ITGA3: variants seen among roughly 807,000 people sequenced by gnomAD.
ITGA3 encodes the protein integrin subunit alpha 3.
A neutral mutation model predicts 131.1 loss-of-function variants in ITGA3; 70 were observed. The ratio of observed to expected loss-of-function variants is 0.53; its 90% CI spans 0.44 to 0.65. The LOEUF (loss-of-function observed/expected upper bound fraction) is 0.65. Ranked by LOEUF, ITGA3 falls within the 30% of genes least tolerant of loss-of-function variation. ITGA3 has a pLI of 0.00. For missense variants in ITGA3, 1,098 were observed against 1,388.6 expected (o/e 0.79, Z 3.33); for synonymous variants, 537 against 571.6 (o/e 0.94, Z 0.86).
In ITGA3 at chr17:50,080,236, C is replaced by G. The variant is rs146914167; in HGVS notation, c.2707-26C>G. 335 of 1,347,732 alleles carry G rather than the reference C, an allele frequency of 2.5e-4. 4 individuals carry two copies. In the East Asian group the frequency reaches 7.6e-3, roughly 31 times the overall value. The allele number at this position is 1,347,732 out of a possible 1,614,324, so 83.5% of individuals were successfully genotyped here. On this transcript the variant is annotated intron_variant, in intron 21 of 25. Transcript: ENST00000320031. ...GAATCTGGAGACTCAGACTATGTCA[C>G]GTCTTGCGTTCCCTGCCCGCCTCAG...
Position 50,064,145 on chromosome 17 carries a change from A to G in ITGA3, c.275A>G (p.Tyr92Cys), listed in dbSNP as rs1908217650. The change falls in exon 2 of 26, where the codon TAC (tyrosine) becomes TGC (cysteine). Residue 92 changes from tyrosine (Y) to cysteine (C), a missense_variant. Tyr to Cys is a radical substitution (Grantham distance 194). Transcript: ENST00000320031. The surrounding 1 kb of genome is among the most constrained non-coding windows in gnomAD (Gnocchi z 4.4). ...TACACCAACCGGACTGGTGCTGTGT[A>G]CCTGTGCCCACTCACTGCCCACAAG... ...DGYTNRTGAV[Y>C]LCPLTAHKDD... is the part of the protein sequence containing the mutation. The G allele has an allele frequency of 1.9e-6, 3 of 1,611,584 alleles. No homozygotes were observed. The highest frequency in any genetic ancestry group is 2.5e-6 in the Non-Finnish European group (3 of 1,179,274).
At chr17:50,068,333 A>G in intron 4 of ITGA3, 28 bp downstream of exon 4, 1 of 1,608,264 alleles carries the variant, frequency 6.2e-7, no homozygotes, top group Middle Eastern at 1.7e-4. Flanking sequence ...ATGGGGGAAG[A>G]AAGGAAGAGC....
rs996718391 is a variant in ITGA3, at chr17:50,088,373, C to T, written c.*31+7C>T. 5.7e-5 allele frequency: 83 copies of T among 1,467,418 alleles called. No homozygotes were observed. Among genetic ancestry groups the T allele is most frequent in the Admixed American group, 2.2e-4 (11 of 50,842 alleles). The allele number at this position is 1,467,418 out of a possible 1,614,324, so 90.9% of individuals were successfully genotyped here. A position where few individuals can be genotyped will look rare whatever the true frequency, so the allele number is the denominator to read the frequency against. ...CCGCCCCCGGCCCACCTGGGTAACA[C>T]GGCCTCCGGGCCCCCTTCCCCGAGC... On this transcript the variant is annotated splice_region_variant and intron_variant, in intron 25 of 25. Coordinates refer to ENST00000320031, the MANE Select transcript of ITGA3 (RefSeq NM_002204.4).
At position 50,077,083 on chromosome 17, in the gene ITGA3, G is replaced by A; in HGVS notation, c.2032G>A (p.Val678Met). 1 of 1,586,588 alleles carries A rather than the reference G, an allele frequency of 6.3e-7. No individual in the cohort carries two copies. The highest frequency in any genetic ancestry group is 1.1e-5 in the South Asian group (1 of 88,418). ...EDAHEALLTLVVPPALLLSSV... is the reference protein window; with the variant it reads ...EDAHEALLTLMVPPALLLSSV... ...CGCCCACGAGGCGCTGCTCACCCTG[G>A]TGGTGCCTCCCGCCCTGCTGCTGTC... The change falls in exon 15 of 26, where the codon GTG (valine) becomes ATG (methionine). Residue 678 changes from valine to methionine, a missense_variant. Transcript: ENST00000320031.
chr17:50,079,651 G>C, intron 21 of ITGA3, 94 bp downstream of exon 21: 2 of 1,273,114 alleles, frequency 1.6e-6, no homozygotes, highest in African/African-American at 1.5e-5. Context: ...AGACCTCAGT[G>C]TGATGAGGTG....
rs1000060536 is a variant in ITGA3, at chr17:50,056,398, C to T, written c.-42C>T. 3.6e-6 allele frequency: 5 copies of T among 1,388,326 alleles called. No homozygotes were observed. The African/African-American group carries it at 7.7e-5, about 21-fold the overall frequency. 86.0% of individuals were successfully genotyped at this position (1,388,326 alleles called of 1,614,324 possible). Reference sequence around the variant, plus strand: ...ACAGGTCCTCACGCCCAGCTCCGCGCCCTCACGCGCTCTCGCCGGGACCCC... The same window carrying T: ...ACAGGTCCTCACGCCCAGCTCCGCGTCCTCACGCGCTCTCGCCGGGACCCC... On this transcript the variant is annotated 5_prime_UTR_variant, in exon 1 of 26. Transcript: ENST00000320031. The surrounding 1 kb of genome is among the most constrained non-coding windows in gnomAD (Gnocchi z 5.6).
chr17:50,071,079 G>C, intron 5 of ITGA3, 149 bp downstream of exon 5: 1 of 724,326 alleles, frequency 1.4e-6, no homozygotes, highest in South Asian at 1.7e-5. Context: ...GCCAGGCCCT[G>C]TTCCAAGCTC....
At chr17:50,067,241 G>A (rs1908386429) in intron 3 of ITGA3, among the ~76,000 whole-genome samples, 1 of 152,196 alleles carries the variant, frequency 6.6e-6, no homozygotes. Context: ...CAGAAAGCAA[G>A]TAAACAAGAA....
At position 50,070,899 on chromosome 17, in the gene ITGA3, G is replaced by T. The variant is rs1282614352; in HGVS notation, c.720G>T (p.Lys240Asn). ...KEWDLSEYSY[K>N]DPEDQGNLYI... ...GGGACTTATCTGAGTATAGTTACAA[G>T]GACCCAGAGGACCAAGGAAACCTCT... Residue 240 changes from lysine (K) to asparagine (N), a missense_variant, in exon 5 of 26, where the codon AAG becomes AAT. Physicochemically the swap from Lys to Asn is moderately conservative, Grantham distance 94. This residue lies in a region of ITGA3 where 356 missense variants were observed against 529.2 expected (regional missense o/e 0.67). Transcript: ENST00000320031. 3.1e-6 allele frequency: 5 copies of T among 1,611,020 alleles called. No homozygotes were observed. The South Asian group carries it at 5.5e-5, about 18-fold the overall frequency.
chr17:50,084,883 C>G (rs1471651120), intron 23 of ITGA3, among the ~76,000 whole-genome samples: 1 of 152,044 alleles, frequency 6.6e-6, no homozygotes, highest in Non-Finnish European at 1.5e-5. Context: ...TTATTGCACT[C>G]CAGCCTGAGC....
chr17:50,077,298 G>A, intron 15 of ITGA3, 81 bp from the exon 16 acceptor site: 1 of 1,390,636 alleles, frequency 7.2e-7, no homozygotes, highest in Non-Finnish European at 1.0e-6. Flanking sequence ...AAGCTCTAGG[G>A]CTTCTGACCT....
intron 24 of ITGA3, 112 bp from the exon 25 acceptor site, chr17:50,088,113 T>TGA: frequency 7.1e-7 from 1 of 1,400,942 alleles, no homozygotes; most frequent in Non-Finnish European, 9.5e-7. Context: ...AAGCTGGGAC[T>TGA]GAGCCCCAGC....
chr17:50,069,437 G>A (rs1908514999), intron 4 of ITGA3, among the ~76,000 whole-genome samples: 2 of 152,150 alleles, frequency 1.3e-5, no homozygotes, highest in African/African-American at 4.8e-5. Context: ...AAACTGAGGT[G>A]GGAGGATCAC....
At chr17:50,060,965 AC>A (rs761466813) in intron 1 of ITGA3, among the ~76,000 whole-genome samples, 2 of 152,022 alleles carry the variant, frequency 1.3e-5, no homozygotes, top group East Asian at 1.9e-4. Flanking sequence ...CTCCGCACAC[AC>A]CTGGGTGTGT....
At position 50,067,730 on chromosome 17, in the gene ITGA3, C is replaced by T. The variant is rs880043; in HGVS notation, c.415-326C>T. Among the ~76,000 whole-genome samples the T allele has an allele frequency of 0.23, 35,056 of 152,026 alleles. 5,187 individuals carry two copies. Among genetic ancestry groups the T allele is most frequent in the African/African-American group, 0.38 (15,914 of 41,426 alleles). ...ATCTGGAGATGGCAGAGCAGCAAGT[C>T]CCTTAATCTCTCTGTTACTAACCCC... On this transcript the variant is annotated intron_variant, in intron 3 of 25. Coordinates refer to ENST00000320031, the MANE Select transcript of ITGA3 (RefSeq NM_002204.4).
intron 1 of ITGA3, among the ~76,000 whole-genome samples, chr17:50,061,259 AG>A (rs1219863368): frequency 1.3e-5 from 2 of 152,168 alleles, no homozygotes; most frequent in Non-Finnish European, 2.9e-5. Flanking sequence ...GGCAACAGGC[AG>A]GAGGGTATTG....
At position 50,088,246 on chromosome 17, in the gene ITGA3, C is replaced by T. The variant is rs1261641244; in HGVS notation, c.3067C>T (p.Arg1023Cys). 7.6e-6 allele frequency: 12 copies of T among 1,572,578 alleles called. No individual in the cohort carries two copies. Among genetic ancestry groups the T allele is most frequent in the African/African-American group, 2.7e-5 (2 of 74,142 alleles). Residue 1023 changes from arginine (R) to cysteine (C), a missense_variant, in exon 25 of 26, where the codon CGC (arginine) becomes TGC (cysteine). Arg to Cys is a radical substitution (Grantham distance 180). This residue lies in a region of ITGA3 where 699 missense variants were observed against 829.2 expected (regional missense o/e 0.84). Transcript: ENST00000320031. ...GCAGTGCGGCTTCTTCAAGCGAGCCCGCACTCGCGCCCTGTATGAAGCTAA... is the reference window on the plus strand; with the variant it reads ...GCAGTGCGGCTTCTTCAAGCGAGCCTGCACTCGCGCCCTGTATGAAGCTAA... ...LWKCGFFKRA[R>C]TRALYEAKRQ...
chr17:50,088,395 G>A (rs1011730083), intron 25 of ITGA3, 29 bp downstream of exon 25: 17 of 1,241,988 alleles, frequency 1.4e-5, no homozygotes, highest in African/African-American at 7.5e-5. Flanking sequence ...CCCCTTCCCC[G>A]AGCCCCACAG....
In ITGA3 at chr17:50,089,926, C is replaced by T. The variant is rs80321467; in HGVS notation, c.*848C>T. On this transcript the variant is annotated 3_prime_UTR_variant, in exon 26 of 26. Transcript: ENST00000320031. ...TCTCTCCTTGGCCACAGACTGAACTCGCAGGGAATGCAGCAGGAAGGAACA... is the reference window on the plus strand; with the variant it reads ...TCTCTCCTTGGCCACAGACTGAACTTGCAGGGAATGCAGCAGGAAGGAACA... 181 of 203,794 alleles carry T rather than the reference C, an allele frequency of 8.9e-4. 2 individuals carry two copies. The highest frequency in any genetic ancestry group is 4.0e-3 in the African/African-American group (176 of 43,474). 12.6% of individuals were successfully genotyped at this position (203,794 alleles called of 1,614,324 possible). A position where few individuals can be genotyped will look rare whatever the true frequency, so the allele number is the denominator to read the frequency against.
Sources: gnomAD v4.1 joint callset for allele counts (sites outside exome capture counted in the v4.1 genomes callset) on GRCh38, gnomAD v4.1.1 for gene constraint, gnomAD v4.1.1 regional missense constraint, Gnocchi (gnomAD v3.1) non-coding constraint, MANE v1.5 for transcripts, NCBI Gene and HGNC (gene_info 2026-07-23, HGNC 2026-07-21) for gene names.